CSMD1: variants seen among roughly 807,000 people sequenced by gnomAD.
CSMD1 encodes the protein CUB and Sushi multiple domains 1, also known as CUB and sushi domain-containing protein 1.
Under a neutral mutation model 417.5 loss-of-function variants are expected in CSMD1, and 213 were observed. The ratio of observed to expected loss-of-function variants is 0.51; its 90% confidence interval spans 0.46 to 0.57. The LOEUF (loss-of-function observed/expected upper bound fraction) is 0.57, where lower values mean the gene tolerates loss of function less well. Among genes scored for constraint, CSMD1 ranks in the 20% least tolerant of loss-of-function variants. CSMD1 has a pLI of 0.00. For missense variants in CSMD1, 6,923 were observed against 4,529.7 expected (o/e 1.53, Z -15.17); for synonymous variants, 2,862 against 1,736.8 (o/e 1.65, Z -16.11).
chr8:3,506,726 G>C (rs2117372666), intron 10 of CSMD1, among the ~76,000 whole-genome samples: 1 of 152,344 alleles, frequency 6.6e-6, no homozygotes, highest in South Asian at 2.1e-4. Flanking sequence ...GGCAATGATT[G>C]ACTGTATAGG....
chr8:4,097,274 G>C (rs986034874), intron 3 of CSMD1, among the ~76,000 whole-genome samples: 24 of 152,142 alleles, frequency 1.6e-4, no homozygotes, highest in African/African-American at 5.5e-4. Context: ...CTAGATTACA[G>C]TCTAAGCTCT....
intron 5 of CSMD1, among the ~76,000 whole-genome samples, chr8:3,891,396 G>C (rs916774232): frequency 1.3e-5 from 2 of 152,010 alleles, no homozygotes; most frequent in Non-Finnish European, 2.9e-5. Flanking sequence ...AAATCCATCC[G>C]AGGCCAGGTA....
At chr8:2,951,021 A>C (rs1490354770) in intron 66 of CSMD1, 93 bp downstream of exon 66, 4 of 1,297,070 alleles carry the variant, frequency 3.1e-6, no homozygotes, top group Non-Finnish European at 4.2e-6. Flanking sequence ...AACAGTAATA[A>C]GTACTTAATA....
chr8:3,539,764 A>T (rs1356631870), intron 10 of CSMD1, among the ~76,000 whole-genome samples: 3 of 34,542 alleles, frequency 8.7e-5, no homozygotes, highest in South Asian at 1.0e-3. Flanking sequence ...TCTTTATGAT[A>T]AAAAAAAAAA....
intron 3 of CSMD1, among the ~76,000 whole-genome samples, chr8:4,163,128 C>A (rs1343827333): frequency 1.3e-5 from 2 of 152,322 alleles, no homozygotes; most frequent in East Asian, 3.9e-4. Flanking sequence ...TTTATCATTT[C>A]ACCTACCGAA....
chr8:4,909,024 A>C (rs528349423), intron 1 of CSMD1, among the ~76,000 whole-genome samples: 1 of 152,274 alleles, frequency 6.6e-6, no homozygotes, highest in South Asian at 2.1e-4. Flanking sequence ...TGTATTGGTT[A>C]ATAAAAAATG....
At chr8:4,625,878 C>A (rs1585351486) in intron 2 of CSMD1, among the ~76,000 whole-genome samples, 1 of 152,060 alleles carries the variant, frequency 6.6e-6, no homozygotes, top group African/African-American at 2.4e-5. Context: ...TACACACCCC[C>A]ACGCCTGGCT....
At chr8:4,085,466 G>A (rs181701822) in intron 3 of CSMD1, among the ~76,000 whole-genome samples, 1 of 152,118 alleles carries the variant, frequency 6.6e-6, no homozygotes, top group South Asian at 2.1e-4. Context: ...GATCATGTTT[G>A]CTGACAGTTT....
In CSMD1 at chr8:3,439,305, ATATATTT is replaced by A. The variant is rs1365075757; in HGVS notation, c.1561+29400_1561+29406del. On this transcript the variant is annotated intron_variant, in intron 12 of 69. Transcript: ENST00000635120. Reference sequence around the variant, plus strand: ...AGTATATATATATATATATATATATATATATTTTTTTTTTTAATATGTATTTTTAATT... The same window carrying A: ...AGTATATATATATATATATATATATATTTTTTTTAATATGTATTTTTAATT... Among the ~76,000 whole-genome samples the A allele has an allele frequency of 5.3e-4, 22 of 41,196 alleles. 1 individual carries two copies. The highest frequency in any genetic ancestry group is 2.8e-3 in the African/African-American group (18 of 6,374). 27.0% of individuals were successfully genotyped at this position (41,196 alleles called of 152,430 possible).
intron 3 of CSMD1, among the ~76,000 whole-genome samples, chr8:4,333,021 T>A (rs1459305539): frequency 6.6e-6 from 1 of 152,064 alleles, no homozygotes; most frequent in East Asian, 1.9e-4. Flanking sequence ...ACAATGTATT[T>A]CTCATCCCAC....
At chr8:3,038,340 T>C (rs1399893343) in intron 50 of CSMD1, among the ~76,000 whole-genome samples, 1 of 152,162 alleles carries the variant, frequency 6.6e-6, no homozygotes, top group East Asian at 1.9e-4. Flanking sequence ...ATAAAATGAG[T>C]CTAATCCAAC....
intron 3 of CSMD1, among the ~76,000 whole-genome samples, chr8:4,184,861 G>A (rs1221483227): frequency 6.6e-6 from 1 of 151,984 alleles, no homozygotes; most frequent in East Asian, 1.9e-4. Context: ...ACTTTCGGAG[G>A]CCAAGGTGGG....
At chr8:4,109,935 CA>C (rs1162936468) in intron 3 of CSMD1, among the ~76,000 whole-genome samples, 1 of 152,060 alleles carries the variant, frequency 6.6e-6, no homozygotes, top group Non-Finnish European at 1.5e-5. Context: ...GAAATAAGAT[CA>C]TGACAATTTG....
At chr8:4,236,482 T>C (rs567490992) in intron 3 of CSMD1, among the ~76,000 whole-genome samples, 2 of 152,260 alleles carry the variant, frequency 1.3e-5, no homozygotes, top group Admixed American at 6.5e-5. Context: ...GCTGTATTCA[T>C]GGGCCAGAGT....
chr8:3,143,251 G>A (rs563410391), intron 40 of CSMD1, among the ~76,000 whole-genome samples: 5 of 152,198 alleles, frequency 3.3e-5, no homozygotes, highest in South Asian at 4.1e-4. Context: ...CTAACTGGAC[G>A]GTCATACCAT....
intron 1 of CSMD1, among the ~76,000 whole-genome samples, chr8:4,688,401 T>A (rs1014509896): frequency 6.6e-6 from 1 of 152,150 alleles, no homozygotes; most frequent in African/African-American, 2.4e-5. Context: ...TAATTAATGC[T>A]CTGACACCTG....
intron 1 of CSMD1, among the ~76,000 whole-genome samples, chr8:4,962,233 C>G (rs1344902649): frequency 6.6e-6 from 1 of 150,578 alleles, no homozygotes; most frequent in Admixed American, 6.6e-5. Context: ...TTGTTGGAGA[C>G]AGAGACTCAC....
chr8:4,083,443 C>T (rs143968634), intron 3 of CSMD1, among the ~76,000 whole-genome samples: 1 of 152,130 alleles, frequency 6.6e-6, no homozygotes, highest in South Asian at 2.1e-4. Context: ...TCAAACTATA[C>T]TACAAGGCTA....
At chr8:4,323,292 T>G (rs568368199) in intron 3 of CSMD1, among the ~76,000 whole-genome samples, 1 of 152,170 alleles carries the variant, frequency 6.6e-6, no homozygotes, top group Non-Finnish European at 1.5e-5. Flanking sequence ...AACAGACTTA[T>G]TTCACACAGT....
Sources: allele counts gnomAD v4.1 joint callset (sites outside exome capture counted in the v4.1 genomes callset), GRCh38; gene constraint gnomAD v4.1.1; transcripts MANE v1.5; gene names NCBI Gene and HGNC (gene_info 2026-07-23, HGNC 2026-07-21).